ZNRF1: variants seen among roughly 807,000 people sequenced by gnomAD.
ZNRF1 encodes E3 ubiquitin-protein ligase ZNRF1.
In ZNRF1, 3 loss-of-function variants were observed where a neutral mutation model predicts 18.4. That is an observed-to-expected ratio of 0.16 (90% CI 0.07 to 0.42). The LOEUF is 0.42. Ranked by LOEUF, ZNRF1 falls within the 10% of genes least tolerant of loss-of-function variation. The pLI is 0.99. For missense variants in ZNRF1, 310 were observed against 329.8 expected (o/e 0.94, Z 0.47); for synonymous variants, 157 against 144.2 (o/e 1.09, Z -0.64).
chr16:75,008,060 G>C (rs1219486271), intron 1 of ZNRF1, among the ~76,000 whole-genome samples: 4 of 151,572 alleles, frequency 2.6e-5, no homozygotes, highest in Non-Finnish European at 4.4e-5. Context: ...TCTTTTTTCG[G>C]TAGAGAAGGG....
At chr16:75,014,604 G>A (rs72800310) in intron 1 of ZNRF1, among the ~76,000 whole-genome samples, 8,947 of 152,068 alleles carry the variant, frequency 0.059, 469 homozygotes, top group Admixed American at 0.12. Flanking sequence ...CATTACATAC[G>A]TGAATGAGTT....
intron 1 of ZNRF1, among the ~76,000 whole-genome samples, chr16:75,060,449 C>A (rs1351241990): frequency 6.6e-6 from 1 of 151,382 alleles, no homozygotes; most frequent in Non-Finnish European, 1.5e-5. Flanking sequence ...TGAAATCCAC[C>A]CTAGCATACC....
At chr16:75,078,296 CT>C (rs36075131) in intron 1 of ZNRF1, among the ~76,000 whole-genome samples, 2,961 of 113,060 alleles carry the variant, frequency 0.026, 40 homozygotes, top group African/African-American at 0.09. Context: ...TCTTTCTTTC[CT>C]TTTTTTTTTT....
chr16:75,107,097 G>C (rs2036325728), intron 4 of ZNRF1: 1 of 167,582 alleles, frequency 6.0e-6, no homozygotes, highest in Admixed American at 5.5e-5. Context: ...GCTTCCAGAT[G>C]AATCTGAGGC....
At chr16:75,032,645 ATGTTCT>A (rs1434268070) in intron 1 of ZNRF1, among the ~76,000 whole-genome samples, 4 of 152,228 alleles carry the variant, frequency 2.6e-5, no homozygotes, top group African/African-American at 9.6e-5. Context: ...TTTGCAAATC[ATGTTCT>A]GATAAGGAAT....
At chr16:75,033,501 G>A (rs1225508740) in intron 1 of ZNRF1, among the ~76,000 whole-genome samples, 1 of 145,534 alleles carries the variant, frequency 6.9e-6, no homozygotes, top group African/African-American at 2.6e-5. Flanking sequence ...GTGCAATGGC[G>A]CAATCTTGGC....
chr16:75,018,472 C>G (rs1279287292), intron 1 of ZNRF1, among the ~76,000 whole-genome samples: 1 of 152,188 alleles, frequency 6.6e-6, no homozygotes, highest in South Asian at 2.1e-4. Flanking sequence ...GTATTAGAAT[C>G]TATGATCATG....
chr16:75,033,161 T>C (rs888239687), intron 1 of ZNRF1, among the ~76,000 whole-genome samples: 7 of 151,976 alleles, frequency 4.6e-5, no homozygotes, highest in Non-Finnish European at 1.0e-4. Context: ...AAATCAAATA[T>C]TATTATTTGA....
Position 75,108,473 on chromosome 16 carries a change from A to G in ZNRF1, c.*773A>G, listed in dbSNP as rs778600306. 2.8e-5 allele frequency: 11 copies of G among 398,286 alleles called. No homozygotes were observed. The highest frequency in any genetic ancestry group is 4.4e-5 in the Non-Finnish European group (10 of 225,882). The allele number at this position is 398,286 out of a possible 1,614,324, so 24.7% of individuals were successfully genotyped here. ...TTTTTTCAGAAAACTTAAACAAAAA[A>G]AGACTTACTAAGAAATATGTACAGC... On this transcript the variant is annotated 3_prime_UTR_variant, in exon 5 of 5. Coordinates refer to ENST00000335325, the MANE Select transcript of ZNRF1 (RefSeq NM_032268.5).
chr16:75,043,403 A>G (rs955221312), intron 1 of ZNRF1, among the ~76,000 whole-genome samples: 8 of 152,158 alleles, frequency 5.3e-5, no homozygotes, highest in African/African-American at 1.9e-4. Flanking sequence ...TTCTTGTAAA[A>G]TTTGGCTGTT....
intron 2 of ZNRF1, among the ~76,000 whole-genome samples, chr16:75,102,074 G>T (rs1018797354): frequency 6.6e-6 from 1 of 152,202 alleles, no homozygotes; most frequent in Non-Finnish European, 1.5e-5. Context: ...CGCAACTCAT[G>T]TGCCTGGGGA....
At chr16:75,026,306 G>A (rs182694551) in intron 1 of ZNRF1, among the ~76,000 whole-genome samples, 4 of 152,012 alleles carry the variant, frequency 2.6e-5, no homozygotes, top group Admixed American at 1.3e-4. Context: ...GCAACTGTGT[G>A]GGCAAGAGTA....
chr16:75,061,684 A>G (rs778824080), intron 1 of ZNRF1, among the ~76,000 whole-genome samples: 2 of 152,156 alleles, frequency 1.3e-5, no homozygotes, highest in Non-Finnish European at 2.9e-5. Flanking sequence ...TTGATTTTGC[A>G]TGTGTGTGTG....
intron 1 of ZNRF1, among the ~76,000 whole-genome samples, chr16:75,057,009 T>C (rs1226566443): frequency 6.6e-6 from 1 of 152,232 alleles, no homozygotes; most frequent in African/African-American, 2.4e-5. Context: ...CTAGTTCAGT[T>C]TCTTGGGTAG....
chr16:75,060,404 A>G (rs2035726754), intron 1 of ZNRF1, among the ~76,000 whole-genome samples: 1 of 151,596 alleles, frequency 6.6e-6, no homozygotes, highest in Non-Finnish European at 1.5e-5. Flanking sequence ...GAGCAGGGAA[A>G]TATATCCTAT....
At chr16:75,066,228 T>G (rs2035802070) in intron 1 of ZNRF1, among the ~76,000 whole-genome samples, 1 of 152,146 alleles carries the variant, frequency 6.6e-6, no homozygotes, top group African/African-American at 2.4e-5. Flanking sequence ...TTACAAAAAC[T>G]CCAAATAAAG....
At chr16:75,042,656 G>A (rs1205471003) in intron 1 of ZNRF1, among the ~76,000 whole-genome samples, 1 of 152,046 alleles carries the variant, frequency 6.6e-6, no homozygotes, top group African/African-American at 2.4e-5. Context: ...TTGAAATTGG[G>A]TAGTGTACAG....
At chr16:75,059,525 A>G (rs2035716765) in intron 1 of ZNRF1, among the ~76,000 whole-genome samples, 1 of 152,106 alleles carries the variant, frequency 6.6e-6, no homozygotes, top group Admixed American at 6.5e-5. Context: ...GAAATCTCAG[A>G]TGCAGTGGGG....
At chr16:75,021,150 C>T (rs1468956968) in intron 1 of ZNRF1, among the ~76,000 whole-genome samples, 1 of 152,172 alleles carries the variant, frequency 6.6e-6, no homozygotes, top group Non-Finnish European at 1.5e-5. Context: ...AAGTGATTCT[C>T]CTGCCTCAGC....
Sources: gnomAD v4.1 joint callset for allele counts (sites outside exome capture counted in the v4.1 genomes callset) on GRCh38, gnomAD v4.1.1 for gene constraint, MANE v1.5 for transcripts, NCBI Gene and HGNC (gene_info 2026-07-23, HGNC 2026-07-21) for gene names.